Variants in SYNC observed in about 807,000 individuals in gnomAD.
SYNC encodes the protein syncoilin.
In SYNC, 38 loss-of-function variants were observed where a neutral mutation model predicts 49.5. The observed-to-expected ratio is 0.77, with a 90% CI of 0.59 to 1.01. SYNC has a LOEUF of 1.01. SYNC is among the 50% of genes least tolerant of loss of function. The pLI is 0.00. For missense variants in SYNC, 579 were observed against 580.6 expected, an observed-to-expected ratio of 1.00 and a Z score of 0.03; for synonymous variants, 201 against 230.8, an observed-to-expected ratio of 0.87 and a Z score of 1.17.
chr1:32,686,826 G>C (rs1440200255), intron 2 of SYNC, among the ~76,000 whole-genome samples: 1 of 152,178 alleles, frequency 6.6e-6, no homozygotes, highest in Non-Finnish European at 1.5e-5. Context: ...CTTAGTGATA[G>C]AGCCAGGATT....
chr1:32,694,323 C>T (rs1650301024), intron 2 of SYNC, among the ~76,000 whole-genome samples: 1 of 151,628 alleles, frequency 6.6e-6, no homozygotes, highest in East Asian at 1.9e-4. Context: ...CATGCCACTG[C>T]ACCAGCCTAA....
At chr1:32,701,023 C>T (rs1650646053) in intron 1 of SYNC, among the ~76,000 whole-genome samples, 1 of 152,032 alleles carries the variant, frequency 6.6e-6, no homozygotes, top group South Asian at 2.1e-4. Context: ...TCAAGCAAGT[C>T]TCCTGTCTCA....
chr1:32,689,572 T>C (rs926830204), intron 2 of SYNC, among the ~76,000 whole-genome samples: 9 of 151,746 alleles, frequency 5.9e-5, no homozygotes, highest in Non-Finnish European at 1.0e-4. Flanking sequence ...TTAGAAACTG[T>C]TGAATTGATG....
intron 1 of SYNC, among the ~76,000 whole-genome samples, chr1:32,701,188 T>G (rs1382815337): frequency 2.0e-5 from 3 of 152,156 alleles, no homozygotes; most frequent in Admixed American, 2.0e-4. Context: ...GTGCTGGGAT[T>G]ACAGGCGTGA....
Position 32,697,542 on chromosome 1 carries a change from G to A in SYNC, c.54-1498C>T, listed in dbSNP as rs191442702. ...TTGAGTCCAGGAGTTTAAGGCCAGC[G>A]TGGGCAACATGGCGAAACCCCATCT... On this transcript the variant is annotated intron_variant, in intron 1 of 4. Coordinates refer to ENST00000409190, the MANE Select transcript of SYNC (RefSeq NM_030786.3). Among the ~76,000 whole-genome samples the A allele has an allele frequency of 2.5e-4, 38 of 151,284 alleles. No individual in the cohort carries two copies. The East Asian group carries it at 6.5e-3, about 26-fold the overall frequency.
chr1:32,694,203 GA>G (rs1426518174), intron 2 of SYNC, among the ~76,000 whole-genome samples: 1 of 151,996 alleles, frequency 6.6e-6, no homozygotes, highest in Admixed American at 6.6e-5. Flanking sequence ...TCTCAAAAAA[GA>G]AAAAATTAGC....
chr1:32,695,686 A>C lies in SYNC; in HGVS notation c.412T>G (p.Tyr138Asp). The change falls in exon 2 of 5, where the codon TAT (tyrosine) becomes GAT (aspartate). Residue 138 changes from tyrosine (Y) to aspartate (D), a missense_variant. Physicochemically the swap from Tyr to Asp is radical, Grantham distance 160. Coordinates refer to ENST00000409190, the MANE Select transcript of SYNC (RefSeq NM_030786.3). ...GCCCTTGTGACTGTCTCTCCCTCAT[A>C]AACAACGTGCTCTGGGCTTGTGGGC... Reference protein sequence around the residue: ...GKPTSPEHVVYEGETVTRAEK... With the variant: ...GKPTSPEHVVDEGETVTRAEK... 6.4e-7 allele frequency: 1 copy of C among 1,551,296 alleles called. No individual in the cohort carries two copies. Among genetic ancestry groups the C allele is most frequent in the Non-Finnish European group, 8.7e-7 (1 of 1,146,928 alleles).
intron 4 of SYNC, 75 bp from the exon 5 acceptor site, chr1:32,681,935 A>C (rs989950485): frequency 3.0e-6 from 4 of 1,336,712 alleles, no homozygotes; most frequent in East Asian, 2.3e-5. Context: ...TTGAGAAGAG[A>C]TTGTTACAGT....
intron 2 of SYNC, among the ~76,000 whole-genome samples, chr1:32,689,469 G>C (rs866792285): frequency 6.6e-6 from 1 of 151,546 alleles, no homozygotes; most frequent in Non-Finnish European, 1.5e-5. Flanking sequence ...TTGAACTCCT[G>C]ACCTTGTGAT....
chr1:32,696,204 A>G (rs1650420293), intron 1 of SYNC, among the ~76,000 whole-genome samples, 160 bp from the exon 2 acceptor site: 1 of 151,824 alleles, frequency 6.6e-6, no homozygotes. Flanking sequence ...CACACACCCA[A>G]CCACGGTGTA....
At chr1:32,686,147 AAT>A (rs752089738) in intron 2 of SYNC, 3 of 152,234 alleles carry the variant, frequency 2.0e-5, no homozygotes, top group Admixed American at 6.5e-5. Flanking sequence ...ATATGTCAAA[AAT>A]ATTTGATACT....
intron 1 of SYNC, among the ~76,000 whole-genome samples, chr1:32,697,960 C>T (rs1353672097): frequency 1.3e-5 from 2 of 151,780 alleles, no homozygotes; most frequent in African/African-American, 2.4e-5. Context: ...AGATGGCTCA[C>T]GCCTGTAATG....
intron 2 of SYNC, among the ~76,000 whole-genome samples, chr1:32,691,191 C>G (rs956003992): frequency 6.9e-6 from 1 of 145,230 alleles, no homozygotes; most frequent in Non-Finnish European, 1.5e-5. Context: ...GCACTCCAGC[C>G]TGGGTGACAG....
At chr1:32,690,375 C>T (rs2148554418) in intron 2 of SYNC, among the ~76,000 whole-genome samples, 1 of 152,184 alleles carries the variant, frequency 6.6e-6, no homozygotes, top group South Asian at 2.1e-4. Flanking sequence ...TATATCCTGC[C>T]ACCAGTACTT....
chr1:32,696,186 C>T (rs1213514623), intron 1 of SYNC, 142 bp from the exon 2 acceptor site: 3 of 648,598 alleles, frequency 4.6e-6, no homozygotes, highest in East Asian at 2.7e-5. Flanking sequence ...TCTGTCAATC[C>T]ACCCCTCCAC....
chr1:32,697,177 C>T (rs540002104), intron 1 of SYNC, among the ~76,000 whole-genome samples: 5 of 152,074 alleles, frequency 3.3e-5, no homozygotes, highest in African/African-American at 7.2e-5. Context: ...CGTGGTGGCT[C>T]ACACCTGTAA....
chr1:32,699,050 G>T (rs1370285163), intron 1 of SYNC, among the ~76,000 whole-genome samples: 1 of 151,470 alleles, frequency 6.6e-6, no homozygotes, highest in African/African-American at 2.4e-5. Context: ...AAAGTGCTGG[G>T]ATTACAGGCA....
At chr1:32,687,256 G>A (rs1204261631) in intron 2 of SYNC, among the ~76,000 whole-genome samples, 1 of 151,642 alleles carries the variant, frequency 6.6e-6, no homozygotes, top group Non-Finnish European at 1.5e-5. Flanking sequence ...AGCTACTCGG[G>A]AGGCTGAGGC....
intron 2 of SYNC, among the ~76,000 whole-genome samples, chr1:32,689,235 C>CTATTTTTTTTTT (rs1650041521): frequency 2.4e-5 from 1 of 41,520 alleles, no homozygotes; most frequent in Non-Finnish European, 4.9e-5. Flanking sequence ...CTCGCCTGGC[C>CTATTTTTTTTTT]TTTTTTTTTT....
Sources: allele counts gnomAD v4.1 joint callset (sites outside exome capture counted in the v4.1 genomes callset), GRCh38; gene constraint gnomAD v4.1.1; transcripts MANE v1.5; gene names NCBI Gene and HGNC (gene_info 2026-07-23, HGNC 2026-07-21).